The following CHODL variants were observed in gnomAD, a reference collection of about 807,000 sequenced individuals.
CHODL encodes the protein chondrolectin.
In CHODL, 29 loss-of-function variants were observed where a neutral mutation model predicts 34.5. The observed-to-expected ratio is 0.84, with a 90% confidence interval of 0.63 to 1.15. The LOEUF (loss-of-function observed/expected upper bound fraction) is 1.15. Ranked by LOEUF, CHODL falls within the 50% of genes most tolerant of loss-of-function variation. The probability of loss-of-function intolerance (pLI) is 0.00; values close to 1 mark genes in which losing one functional copy is unlikely to be tolerated. For synonymous variants in CHODL, 125 were observed against 116.1 expected (o/e 1.08, Z -0.49); for missense variants, 332 against 332.5 (o/e 1.00, Z 0.01).
intron 2 of CHODL, among the ~76,000 whole-genome samples, chr21:18,223,006 T>C (rs2073898750): frequency 6.6e-6 from 1 of 152,016 alleles, no homozygotes; most frequent in South Asian, 2.1e-4. Context: ...AGAAAAAATA[T>C]GAAAAAGTAA....
chr21:18,118,575 T>C lies in CHODL; in HGVS notation c.-45+90604T>C, dbSNP rs2026860. Among the ~76,000 whole-genome samples, 1,496 of 152,306 alleles carry C rather than the reference T, an allele frequency of 9.8e-3. 22 individuals carry two copies. Among genetic ancestry groups the C allele is most frequent in the African/African-American group, 0.033 (1,382 of 41,564 alleles). On this transcript the variant is annotated intron_variant, in intron 2 of 6. Transcript: ENST00000400127. ...GTAATGTTTCTAAGATGTTAACAAA[T>C]GCATCTTAAATGGGTCCTATATTTC...
upstream of CHODL, among the ~76,000 whole-genome samples, chr21:18,240,586 G>A (rs190420293): frequency 3.5e-3 from 534 of 152,132 alleles, 5 homozygotes; most frequent in African/African-American, 0.012. Context: ...CACATTTTTT[G>A]TTTGATTATC....
At chr21:18,037,724 T>G (rs2064327682) in intron 2 of CHODL, among the ~76,000 whole-genome samples, 1 of 151,742 alleles carries the variant, frequency 6.6e-6, no homozygotes, top group South Asian at 2.1e-4. Flanking sequence ...ATAATACATA[T>G]AGAGGAAAAG....
intron 2 of CHODL, among the ~76,000 whole-genome samples, chr21:18,165,437 C>T (rs1449833958): frequency 6.6e-6 from 1 of 152,120 alleles, no homozygotes; most frequent in Non-Finnish European, 1.5e-5. Context: ...TCTATTGCTG[C>T]ATATAGAAAC....
At chr21:18,171,847 T>A (rs368756911) in intron 2 of CHODL, among the ~76,000 whole-genome samples, 19 of 152,184 alleles carry the variant, frequency 1.2e-4, no homozygotes, top group East Asian at 7.8e-4. Flanking sequence ...ACTGGCCAGC[T>A]AATGATTGAA....
At chr21:17,953,510 ATACTT>A (rs1174716498) in intron 1 of CHODL, among the ~76,000 whole-genome samples, 4 of 152,256 alleles carry the variant, frequency 2.6e-5, no homozygotes, top group African/African-American at 9.6e-5. Flanking sequence ...AGAAAATAAA[ATACTT>A]TAAAAACTCA....
intron 1 of CHODL, among the ~76,000 whole-genome samples, chr21:17,986,396 T>C (rs1218370912): frequency 6.6e-6 from 1 of 152,064 alleles, no homozygotes; most frequent in African/African-American, 2.4e-5. Flanking sequence ...CTCCCACTTA[T>C]GAGTGAGAAC....
intron 2 of CHODL, among the ~76,000 whole-genome samples, chr21:18,220,234 G>T (rs139589038): frequency 5.3e-5 from 8 of 152,170 alleles, no homozygotes; most frequent in African/African-American, 1.9e-4. Context: ...AGTGAAGTCA[G>T]ATTTTCGTAG....
chr21:18,206,747 G>A (rs2073716021), intron 2 of CHODL, among the ~76,000 whole-genome samples: 1 of 150,282 alleles, frequency 6.7e-6, no homozygotes, highest in Non-Finnish European at 1.5e-5. Flanking sequence ...CTTCTTTTTA[G>A]TAAAGGTGTT....
chr21:18,046,649 T>C (rs1448278977), intron 2 of CHODL, among the ~76,000 whole-genome samples: 1 of 151,872 alleles, frequency 6.6e-6, no homozygotes, highest in Non-Finnish European at 1.5e-5. Flanking sequence ...GGTTTAGAAA[T>C]CCAAATGGAA....
At chr21:18,262,215 T>G (rs1469202005) in intron 4 of CHODL, among the ~76,000 whole-genome samples, 1 of 152,168 alleles carries the variant, frequency 6.6e-6, no homozygotes, top group East Asian at 1.9e-4. Flanking sequence ...AATTTTCCGT[T>G]CAGTAAAATT....
intron 2 of CHODL, among the ~76,000 whole-genome samples, chr21:18,172,500 T>C (rs1365071920): frequency 1.3e-5 from 2 of 152,118 alleles, no homozygotes; most frequent in African/African-American, 2.4e-5. Context: ...ACTTCAGAGG[T>C]AGAGAGATAG....
chr21:18,106,266 A>G (rs1365404076), intron 2 of CHODL, among the ~76,000 whole-genome samples: 1 of 152,122 alleles, frequency 6.6e-6, no homozygotes, highest in Non-Finnish European at 1.5e-5. Flanking sequence ...AGTCATTTCC[A>G]ACACCCCAGA....
chr21:18,207,827 A>T (rs935540151), intron 2 of CHODL, among the ~76,000 whole-genome samples: 1 of 151,790 alleles, frequency 6.6e-6, no homozygotes, highest in Non-Finnish European at 1.5e-5. Flanking sequence ...TGCCAGATGT[A>T]TTGCAGATAT....
At position 18,174,152 on chromosome 21, in the gene CHODL, T is replaced by TATATATATATATATAA. The variant is rs1568923201; in HGVS notation, c.-44-82348_-44-82347insTATATAAATATATATA. ...ATATATATATATATATATATATATA[T>TATATATATATATATAA]ATATATATAAAATCAAGTCTCTCAG... On this transcript the variant is annotated intron_variant, in intron 2 of 6. Transcript: ENST00000400127. Among the ~76,000 whole-genome samples, 121 of 125,798 alleles carry TATATATATATATATAA rather than the reference T, an allele frequency of 9.6e-4. 2 individuals carry two copies. The highest frequency in any genetic ancestry group is 3.5e-3 in the African/African-American group (116 of 33,590). 82.5% of individuals were successfully genotyped at this position (125,798 alleles called of 152,430 possible). A position where few individuals can be genotyped will look rare whatever the true frequency, so the allele number is the denominator to read the frequency against.
At chr21:18,103,908 C>T (rs530179216) in intron 2 of CHODL, among the ~76,000 whole-genome samples, 2 of 152,244 alleles carry the variant, frequency 1.3e-5, no homozygotes, top group South Asian at 4.1e-4. Flanking sequence ...GGGGATTAGA[C>T]CTCACCTCTT....
chr21:18,198,743 C>T (rs561589503), intron 2 of CHODL, among the ~76,000 whole-genome samples: 66 of 152,106 alleles, frequency 4.3e-4, no homozygotes, highest in Admixed American at 1.5e-3. Context: ...ACTACATAAA[C>T]ATGGAAAACT....
chr21:18,114,310 G>T (rs2065386411), intron 2 of CHODL, among the ~76,000 whole-genome samples: 1 of 152,074 alleles, frequency 6.6e-6, no homozygotes, highest in Non-Finnish European at 1.5e-5. Context: ...GTAACTCAAA[G>T]AATAAATGCT....
chr21:17,995,048 C>T (rs1195478504), intron 1 of CHODL, among the ~76,000 whole-genome samples: 1 of 152,064 alleles, frequency 6.6e-6, no homozygotes, highest in African/African-American at 2.4e-5. Flanking sequence ...GTGCTAGGGA[C>T]CTGATCGCAC....
Sources: gnomAD v4.1 joint callset for allele counts (sites outside exome capture counted in the v4.1 genomes callset) on GRCh38, gnomAD v4.1.1 for gene constraint, MANE v1.5 for transcripts, NCBI Gene and HGNC (gene_info 2026-07-23, HGNC 2026-07-21) for gene names.